The following CACNA2D3 variants were observed in gnomAD, a reference collection of about 807,000 sequenced individuals.
CACNA2D3 encodes voltage-dependent calcium channel subunit alpha-2/delta-3.
A neutral mutation model predicts 160.6 loss-of-function variants in CACNA2D3; 60 were observed. The ratio of observed to expected loss-of-function variants is 0.37; its 90% CI spans 0.30 to 0.46. CACNA2D3 has a LOEUF of 0.46. Among genes scored for constraint, CACNA2D3 ranks in the 20% least tolerant of loss-of-function variants. CACNA2D3 has a pLI of 1.00. For synonymous variants in CACNA2D3, 558 were observed against 492.9 expected, an observed-to-expected ratio of 1.13 and a Z score of -1.75; for missense variants, 1,205 against 1,365.0, an observed-to-expected ratio of 0.88 and a Z score of 1.85.
chr3:54,275,368 T>G (rs1702712277), intron 2 of CACNA2D3, among the ~76,000 whole-genome samples: 1 of 151,540 alleles, frequency 6.6e-6, no homozygotes, highest in Non-Finnish European at 1.5e-5. Flanking sequence ...GTCTGAAACT[T>G]AGATTTTTTC....
chr3:54,816,733 C>T, intron 13 of CACNA2D3, 120 bp from the exon 14 acceptor site: 2 of 1,069,922 alleles, frequency 1.9e-6, no homozygotes, highest in Non-Finnish European at 2.7e-6. Context: ...CTCTTTTTCA[C>T]TTGTCTCCCC....
At chr3:54,226,742 C>T (rs1701681190) in intron 2 of CACNA2D3, among the ~76,000 whole-genome samples, 2 of 152,150 alleles carry the variant, frequency 1.3e-5, no homozygotes, top group South Asian at 2.1e-4. Flanking sequence ...CCTTCAGCCA[C>T]GTGGCTTTTG....
intron 11 of CACNA2D3, among the ~76,000 whole-genome samples, chr3:54,733,796 A>T (rs190018010): frequency 1.2e-4 from 18 of 152,332 alleles, no homozygotes; most frequent in African/African-American, 4.1e-4. Flanking sequence ...CCCTAACCTG[A>T]CAGCCAGAGC....
At chr3:54,705,248 A>G (rs1700838095) in intron 11 of CACNA2D3, among the ~76,000 whole-genome samples, 1 of 152,042 alleles carries the variant, frequency 6.6e-6, no homozygotes. Context: ...CTCCTTCTCT[A>G]GGGGTCACAT....
chr3:54,467,502 G>A (rs1700649759), intron 4 of CACNA2D3, among the ~76,000 whole-genome samples: 1 of 152,158 alleles, frequency 6.6e-6, no homozygotes, highest in Non-Finnish European at 1.5e-5. Context: ...TGAGACTTAG[G>A]GCAAGTTGCC....
intron 9 of CACNA2D3, among the ~76,000 whole-genome samples, chr3:54,588,896 A>T (rs1702810385): frequency 6.6e-6 from 1 of 151,100 alleles, no homozygotes; most frequent in African/African-American, 2.4e-5. Context: ...TTTAATATTT[A>T]TATATTTAAT....
At position 54,818,048 on chromosome 3, in the gene CACNA2D3, G is replaced by T. The variant is rs1703496887; in HGVS notation, c.1398+1178G>T. Among the ~76,000 whole-genome samples the T allele has an allele frequency of 2.0e-5, 3 of 146,446 alleles. No individual in the cohort carries two copies. The South Asian group carries it at 6.4e-4, about 31-fold the overall frequency. On this transcript the variant is annotated intron_variant, in intron 14 of 37. Coordinates refer to ENST00000474759, the MANE Select transcript of CACNA2D3 (RefSeq NM_018398.3). ...TACATTTGAATTTTTTTGATAGAGA[G>T]ACTTCACAAATTCTCTGCCTAAAAA...
At chr3:54,983,041 C>T (rs76551916) in intron 29 of CACNA2D3, among the ~76,000 whole-genome samples, 2,651 of 152,256 alleles carry the variant, frequency 0.017, 69 homozygotes, top group African/African-American at 0.061. Flanking sequence ...CTCATTTTCT[C>T]CAGCCTCTAA....
At chr3:54,337,715 T>C (rs1704417590) in intron 3 of CACNA2D3, among the ~76,000 whole-genome samples, 1 of 152,182 alleles carries the variant, frequency 6.6e-6, no homozygotes, top group Non-Finnish European at 1.5e-5. Flanking sequence ...CTCCTCCCCG[T>C]TAATAAGCCA....
chr3:54,589,569 C>T (rs2106753276), intron 9 of CACNA2D3, among the ~76,000 whole-genome samples: 1 of 150,580 alleles, frequency 6.6e-6, no homozygotes, highest in East Asian at 1.9e-4. Flanking sequence ...AAAAAAAGAA[C>T]CAAACCTTTT....
chr3:54,303,847 T>A (rs7429094), intron 2 of CACNA2D3, among the ~76,000 whole-genome samples: 1 of 136,530 alleles, frequency 7.3e-6, no homozygotes, highest in African/African-American at 2.8e-5. Context: ...TTCTATTGCT[T>A]AGTGCTGCTC....
At chr3:55,005,573 G>C (rs1703077654) in intron 32 of CACNA2D3, among the ~76,000 whole-genome samples, 1 of 152,084 alleles carries the variant, frequency 6.6e-6, no homozygotes. Flanking sequence ...ATGCCACTGG[G>C]TTTCAGCATC....
intron 2 of CACNA2D3, among the ~76,000 whole-genome samples, chr3:54,172,952 A>G (rs1700605291): frequency 6.6e-6 from 1 of 152,204 alleles, no homozygotes; most frequent in African/African-American, 2.4e-5. Context: ...TGAGGGCAGG[A>G]TGGGGTGACC....
At chr3:54,293,568 T>C (rs2107480715) in intron 2 of CACNA2D3, among the ~76,000 whole-genome samples, 1 of 151,636 alleles carries the variant, frequency 6.6e-6, no homozygotes, top group South Asian at 2.1e-4. Context: ...TTCTATTATA[T>C]ATATATATAT....
intron 2 of CACNA2D3, among the ~76,000 whole-genome samples, chr3:54,125,984 AATGC>A (rs1213183839): frequency 1.3e-5 from 2 of 152,232 alleles, no homozygotes; most frequent in Non-Finnish European, 1.5e-5. Flanking sequence ...TTGGCTGGAA[AATGC>A]ATTAACACTG....
intron 35 of CACNA2D3, among the ~76,000 whole-genome samples, chr3:55,019,850 G>A (rs1703409199): frequency 6.6e-6 from 1 of 152,140 alleles, no homozygotes; most frequent in Non-Finnish European, 1.5e-5. Flanking sequence ...ATAATTACAT[G>A]TTAAGTATGT....
In CACNA2D3 at chr3:54,872,063, C is replaced by T. The variant is rs115485395; in HGVS notation, c.1710+441C>T. Among the ~76,000 whole-genome samples the T allele has an allele frequency of 4.9e-3, 748 of 152,310 alleles. 6 individuals carry two copies. The highest frequency in any genetic ancestry group is 0.017 in the African/African-American group (693 of 41,564). On this transcript the variant is annotated intron_variant, in intron 18 of 37. Coordinates refer to ENST00000474759, the MANE Select transcript of CACNA2D3 (RefSeq NM_018398.3). ...CTGTCAGGACCTCATTGGCACAGCC[C>T]TTGTTTTCAGAGTACAGCCCAGGGC... is the stretch of plus-strand genomic sequence containing the variant.
chr3:54,830,556 C>T (rs1410628008), intron 14 of CACNA2D3, among the ~76,000 whole-genome samples: 1 of 151,078 alleles, frequency 6.6e-6, no homozygotes, highest in African/African-American at 2.4e-5. Context: ...TCAAGCAATT[C>T]TCCTGCCTCA....
At chr3:54,821,443 A>G (rs999782700) in intron 14 of CACNA2D3, among the ~76,000 whole-genome samples, 9 of 152,200 alleles carry the variant, frequency 5.9e-5, no homozygotes, top group Non-Finnish European at 1.3e-4. Flanking sequence ...CTTAACTTGT[A>G]TGAGGACTCA....
Sources: gnomAD v4.1 joint callset for allele counts (sites outside exome capture counted in the v4.1 genomes callset) on GRCh38, gnomAD v4.1.1 for gene constraint, MANE v1.5 for transcripts, NCBI Gene and HGNC (gene_info 2026-07-23, HGNC 2026-07-21) for gene names.